Variants in PPFIBP2 observed in about 807,000 individuals in gnomAD.
The protein encoded by PPFIBP2 is liprin-beta-2.
PPFIBP2 carries 118 observed loss-of-function variants against 118.3 expected under a neutral mutation model. The ratio of observed to expected loss-of-function variants is 1.00; its 90% CI spans 0.86 to 1.16. The LOEUF is 1.16. PPFIBP2 is among the 50% of genes most tolerant of loss of function. The pLI is 0.00. For synonymous variants in PPFIBP2, 414 were observed against 397.4 expected, an observed-to-expected ratio of 1.04 and a Z score of -0.50; for missense variants, 1,195 against 1,073.1, an observed-to-expected ratio of 1.11 and a Z score of -1.59.
intron 5 of PPFIBP2, among the ~76,000 whole-genome samples, chr11:7,609,736 GA>G (rs1261271695): frequency 5.3e-5 from 8 of 152,124 alleles, no homozygotes; most frequent in African/African-American, 7.2e-5. Context: ...AACAGCCCAG[GA>G]AAGATCCATC....
intron 14 of PPFIBP2, 151 bp from the exon 15 acceptor site, chr11:7,639,581 C>A: frequency 1.0e-6 from 1 of 981,020 alleles, no homozygotes; most frequent in South Asian, 1.5e-5. Context: ...TCCCCTTTCT[C>A]GGACTAGCTA....
the PPFIBP2 span, chr11:7,666,240 G>A: frequency 8.4e-6 from 5 of 594,592 alleles, no homozygotes; most frequent in Admixed American, 1.2e-4. Flanking sequence ...TGATGTATTA[G>A]ACACCTGCTC....
the PPFIBP2 span, among the ~76,000 whole-genome samples, chr11:7,664,691 G>T: frequency 6.6e-6 from 1 of 152,104 alleles, no homozygotes; most frequent in African/African-American, 2.4e-5. Flanking sequence ...TTGGGAGCCA[G>T]GCCCTGGAGT....
the PPFIBP2 span, among the ~76,000 whole-genome samples, chr11:7,662,917 C>T: frequency 7.3e-6 from 1 of 137,008 alleles, no homozygotes; most frequent in African/African-American, 2.5e-5. Context: ...ATCACTGATA[C>T]CCTTTCTTCC....
At chr11:7,520,028 G>A (rs1489219096) in intron 1 of PPFIBP2, among the ~76,000 whole-genome samples, 3 of 152,148 alleles carry the variant, frequency 2.0e-5, no homozygotes, top group Non-Finnish European at 2.9e-5. Context: ...GGTCCACGGG[G>A]GACACAGACC....
At chr11:7,520,305 G>T (rs1018811141) in intron 1 of PPFIBP2, among the ~76,000 whole-genome samples, 1 of 152,134 alleles carries the variant, frequency 6.6e-6, no homozygotes. Context: ...TTTTCAGGGG[G>T]TACGTGTCTT....
chr11:7,589,239 CG>C (rs1414482286), intron 3 of PPFIBP2, among the ~76,000 whole-genome samples: 1 of 152,048 alleles, frequency 6.6e-6, no homozygotes, highest in Non-Finnish European at 1.5e-5. Context: ...ACAAGTATAA[CG>C]GGGGTGGATG....
In PPFIBP2 at chr11:7,577,315, A is replaced by ATGTGCGTGTG. The variant is rs560396932; in HGVS notation, c.279+11553_279+11562dup. 4.2e-3 allele frequency: 909 copies of ATGTGCGTGTG among 216,946 alleles called. 6 individuals carry two copies. Among genetic ancestry groups the ATGTGCGTGTG allele is most frequent in the African/African-American group, 0.023 (836 of 36,418 alleles). The allele number at this position is 216,946 out of a possible 1,614,324, so 13.4% of individuals were successfully genotyped here. On this transcript the variant is annotated intron_variant, in intron 3 of 23. Coordinates refer to ENST00000299492, the MANE Select transcript of PPFIBP2 (RefSeq NM_003621.5). ...AGTCCTGGTGCGTGTGCGTGCATGT[A>ATGTGCGTGTG]TGTGCGTGTGTGTGTGTGTGTGTGT...
chr11:7,521,875 T>C (rs952728559), intron 1 of PPFIBP2, among the ~76,000 whole-genome samples: 1 of 151,952 alleles, frequency 6.6e-6, no homozygotes, highest in African/African-American at 2.4e-5. Context: ...ACAGGCCCAG[T>C]GAAGAGTGGG....
intron 1 of PPFIBP2, among the ~76,000 whole-genome samples, chr11:7,541,516 A>G (rs1054110967): frequency 3.9e-5 from 6 of 152,054 alleles, no homozygotes; most frequent in Non-Finnish European, 5.9e-5. Context: ...TGCCACTCTC[A>G]CTTCTGGCTG....
At chr11:7,542,779 C>A (rs568338535) in intron 1 of PPFIBP2, among the ~76,000 whole-genome samples, 1 of 152,340 alleles carries the variant, frequency 6.6e-6, no homozygotes, top group East Asian at 1.9e-4. Context: ...CCTAGCATCT[C>A]CCTTATGGCC....
chr11:7,549,512 C>A lies in PPFIBP2; in HGVS notation c.37C>A (p.Leu13Met). Residue 13 changes from leucine to methionine, a missense_variant, in exon 2 of 24, where the codon CTG becomes ATG. Coordinates refer to ENST00000299492, the MANE Select transcript of PPFIBP2 (RefSeq NM_003621.5). ...SDASHALEAA[L>M]EQMDGIIAGT... is the part of the protein sequence containing the mutation. ...TGCTAGTCATGCGCTGGAAGCTGCC[C>A]TGGAGCAAATGGACGGGATCATTGC... The A allele has an allele frequency of 4.5e-6, 7 of 1,563,868 alleles. No individual in the cohort carries two copies. Among genetic ancestry groups the A allele is most frequent in the Non-Finnish European group, 5.2e-6 (6 of 1,153,918 alleles).
rs530841997 is a variant in PPFIBP2, at chr11:7,613,419, T to C, written c.618+2997T>C. The stretch of plus-strand genomic sequence containing the variant: ...GGACTTGCAGGCGCAGGTTCCTTGA[T>C]GGCCAGCCTTGCTCAAGAGTGAGTA... On this transcript the variant is annotated intron_variant, in intron 6 of 23. Coordinates refer to ENST00000299492, the MANE Select transcript of PPFIBP2 (RefSeq NM_003621.5). Among the ~76,000 whole-genome samples, 3 of 152,308 alleles carry C rather than the reference T, an allele frequency of 2.0e-5. No individual in the cohort carries two copies. In the East Asian group the frequency reaches 5.8e-4, roughly 29 times the overall value.
chr11:7,619,952 T>C (rs555866105), intron 6 of PPFIBP2, among the ~76,000 whole-genome samples: 4 of 152,304 alleles, frequency 2.6e-5, no homozygotes, highest in Non-Finnish European at 2.9e-5. Flanking sequence ...GTAATTATCT[T>C]TATGCCAGTT....
intron 5 of PPFIBP2, among the ~76,000 whole-genome samples, chr11:7,609,561 T>C (rs934266636): frequency 7.9e-5 from 12 of 152,216 alleles, no homozygotes; most frequent in African/African-American, 2.4e-4. Context: ...TATGAAGTGT[T>C]TTTATTAGTG....
intron 2 of PPFIBP2, among the ~76,000 whole-genome samples, chr11:7,554,560 A>G (rs111303720): frequency 0.018 from 2,693 of 152,264 alleles, 78 homozygotes; most frequent in African/African-American, 0.061. Context: ...CCTGTAAACA[A>G]TCAGACCAGG....
At chr11:7,623,159 C>T (rs561147771) in intron 7 of PPFIBP2, among the ~76,000 whole-genome samples, 7 of 152,292 alleles carry the variant, frequency 4.6e-5, no homozygotes, top group East Asian at 1.9e-4. Flanking sequence ...ATCCTGATTC[C>T]CTGCAGAGAA....
chr11:7,635,840 A>G (rs1317499796), intron 14 of PPFIBP2, among the ~76,000 whole-genome samples: 1 of 152,198 alleles, frequency 6.6e-6, no homozygotes, highest in Non-Finnish European at 1.5e-5. Context: ...GGCTCAGAGA[A>G]ATTAATCTTT....
rs1554958800 is a variant in PPFIBP2, at chr11:7,577,330, T to TGTGC, written c.279+11566_279+11567insCGTG. ...GCGTGCATGTATGTGCGTGTGTGTGTGTGTGTGTGTGTGTGTGTGTGTTTG... is the reference window on the plus strand; with the variant it reads ...GCGTGCATGTATGTGCGTGTGTGTGTGTGCGTGTGTGTGTGTGTGTGTGTGTTTG... On this transcript the variant is annotated intron_variant, in intron 3 of 23. Coordinates refer to ENST00000299492, the MANE Select transcript of PPFIBP2 (RefSeq NM_003621.5). The TGTGC allele has an allele frequency of 7.3e-5, 18 of 246,830 alleles. No individual in the cohort carries two copies. The East Asian group carries it at 8.0e-4, about 11-fold the overall frequency. 15.3% of individuals were successfully genotyped at this position (246,830 alleles called of 1,614,324 possible).
Sources: gnomAD v4.1 joint callset for allele counts (sites outside exome capture counted in the v4.1 genomes callset) on GRCh38, gnomAD v4.1.1 for gene constraint, MANE v1.5 for transcripts, NCBI Gene and HGNC (gene_info 2026-07-23, HGNC 2026-07-21) for gene names.